VPS13D: variants seen among roughly 807,000 people sequenced by gnomAD.
VPS13D encodes the protein vacuolar protein sorting 13 homolog D, also known as intermembrane lipid transfer protein VPS13D.
In VPS13D, 187 loss-of-function variants were observed where a neutral mutation model predicts 461.9. The ratio of observed to expected loss-of-function variants is 0.40; its 90% CI spans 0.36 to 0.46. VPS13D has a LOEUF of 0.46. Among genes scored for constraint, VPS13D ranks in the 20% least tolerant of loss-of-function variants. The pLI is 0.60. For synonymous variants in VPS13D, 1,951 were observed against 1,986.3 expected (o/e 0.98, Z 0.47); for missense variants, 4,711 against 5,364.9 (o/e 0.88, Z 3.81).
At chr1:12,246,707 T>A (rs1640562401) in intron 5 of VPS13D, among the ~76,000 whole-genome samples, 1 of 152,176 alleles carries the variant, frequency 6.6e-6, no homozygotes, top group African/African-American at 2.4e-5. Flanking sequence ...CTTTTGATAG[T>A]CCTGAGCTTT....
chr1:12,277,917 A>G lies in VPS13D; in HGVS notation c.4329A>G (p.Glu1443=), dbSNP rs781750045. The change falls in exon 19 of 70, where the codon GAA becomes GAG. Residue 1443 remains glutamate (E), a synonymous_variant. Coordinates refer to ENST00000620676, the MANE Select transcript of VPS13D (RefSeq NM_015378.4). ...SLNCTQLAGR[E]AVGSEGSRMF... is the part of the protein sequence containing the mutation. ...ATTGCACCCAGTTGGCAGGTAGAGAAGCTGTTGGGTCTGAAGGAAGCCGGA... is the reference window on the plus strand; with the variant it reads ...ATTGCACCCAGTTGGCAGGTAGAGAGGCTGTTGGGTCTGAAGGAAGCCGGA... 6.2e-7 allele frequency: 1 copy of G among 1,614,170 alleles called. No individual in the cohort carries two copies. The highest frequency in any genetic ancestry group is 8.5e-7 in the Non-Finnish European group (1 of 1,180,014).
chr1:12,349,017 T>C (rs780802936), intron 45 of VPS13D, 44 bp downstream of exon 45: 1 of 1,612,294 alleles, frequency 6.2e-7, no homozygotes, highest in Non-Finnish European at 8.5e-7. Context: ...TGATAAATAC[T>C]TCTTGACTGT....
At position 12,361,399 on chromosome 1, in the gene VPS13D, A is replaced by ATTT. The variant is rs1406588951; in HGVS notation, c.10142-1320_10142-1318dup. 9.4e-3 allele frequency among the ~76,000 whole-genome samples: 1,315 copies of ATTT among 140,614 alleles called. 49 individuals carry two copies. The East Asian group carries it at 0.099, about 11-fold the overall frequency. The allele number at this position is 140,614 out of a possible 152,430, so 92.2% of individuals were successfully genotyped here. A position where few individuals can be genotyped will look rare whatever the true frequency, so the allele number is the denominator to read the frequency against. The stretch of plus-strand genomic sequence containing the variant: ...TATTTATTTATTTATTTATTTATTT[A>ATTT]TTTATTTTTTTTTTGAGACGGAGTC... On this transcript the variant is annotated intron_variant, in intron 50 of 69. Transcript: ENST00000620676.
intron 67 of VPS13D, among the ~76,000 whole-genome samples, chr1:12,481,524 G>A (rs935977530): frequency 6.6e-6 from 1 of 152,240 alleles, no homozygotes; most frequent in African/African-American, 2.4e-5. Context: ...TGCTCTGAAG[G>A]TTTGGTGTCA....
At chr1:12,322,515 A>G (rs536328113) in intron 33 of VPS13D, 21 bp from the exon 34 acceptor site, 1 of 1,610,870 alleles carries the variant, frequency 6.2e-7, no homozygotes, top group Non-Finnish European at 8.5e-7. Context: ...AAAAATTGCT[A>G]CCTTTTTTAC....
intron 67 of VPS13D, among the ~76,000 whole-genome samples, chr1:12,490,268 A>G (rs748987503): frequency 5.3e-5 from 8 of 152,192 alleles, no homozygotes; most frequent in Admixed American, 1.3e-4. Flanking sequence ...CTACTAGCAT[A>G]GGGTTTCTTT....
Position 12,322,630 on chromosome 1 carries a change from C to T in VPS13D, c.7799C>T (p.Ala2600Val), listed in dbSNP as rs1173589894. ...TCCATCCCAGAGCAAGCTAATGCTG[C>T]AGTGCCAGACTCAGTGGCCCTGGAG... ...AKSIPEQANA[A>V]VPDSVALESD... The change falls in exon 34 of 70, where the codon GCA (alanine) becomes GTA (valine). Residue 2600 changes from alanine to valine, a missense_variant. This residue lies in a region of VPS13D where 4,411 missense variants were observed against 4,937.8 expected (regional missense o/e 0.89). Coordinates refer to ENST00000620676, the MANE Select transcript of VPS13D (RefSeq NM_015378.4). The T allele has an allele frequency of 1.2e-6, 2 of 1,614,230 alleles. No homozygotes were observed. The highest frequency in any genetic ancestry group is 1.7e-5 in the Admixed American group (1 of 60,024).
chr1:12,487,879 C>A (rs1315020075), intron 67 of VPS13D, among the ~76,000 whole-genome samples: 1 of 152,128 alleles, frequency 6.6e-6, no homozygotes, highest in Non-Finnish European at 1.5e-5. Flanking sequence ...AAAGCGCCTG[C>A]TGTGAGTTTT....
At chr1:12,396,165 C>T (rs930824885) in intron 60 of VPS13D, among the ~76,000 whole-genome samples, 1 of 151,550 alleles carries the variant, frequency 6.6e-6, no homozygotes, top group African/African-American at 2.4e-5. Context: ...GGATGGGACT[C>T]CTGGGGGAGC....
At chr1:12,471,259 C>T (rs890308667) in intron 67 of VPS13D, among the ~76,000 whole-genome samples, 2 of 152,160 alleles carry the variant, frequency 1.3e-5, no homozygotes, top group Non-Finnish European at 2.9e-5. Context: ...CGAAATCATG[C>T]CACTGCACTC....
chr1:12,393,224 T>C (rs1430137362), intron 60 of VPS13D, among the ~76,000 whole-genome samples: 5 of 152,228 alleles, frequency 3.3e-5, no homozygotes, highest in Non-Finnish European at 7.3e-5. Flanking sequence ...CCAATCTGCA[T>C]AATGTCATCA....
chr1:12,265,875 A>C (rs1641252738), intron 13 of VPS13D, among the ~76,000 whole-genome samples: 1 of 152,182 alleles, frequency 6.6e-6, no homozygotes, highest in South Asian at 2.1e-4. Flanking sequence ...ATGACAACCC[A>C]AGGCTGGGCG....
chr1:12,273,973 A>G (rs996588226), intron 18 of VPS13D, among the ~76,000 whole-genome samples: 1 of 151,994 alleles, frequency 6.6e-6, no homozygotes, highest in Non-Finnish European at 1.5e-5. Context: ...TTCTTTATTT[A>G]CCTAGAAGTG....
chr1:12,491,286 C>T (rs1645877517), intron 67 of VPS13D, among the ~76,000 whole-genome samples: 1 of 152,242 alleles, frequency 6.6e-6, no homozygotes, highest in South Asian at 2.1e-4. Flanking sequence ...CATACACTTT[C>T]TACTCACTTA....
intron 37 of VPS13D, among the ~76,000 whole-genome samples, chr1:12,331,262 A>G (rs1643324971): frequency 6.6e-6 from 1 of 152,114 alleles, no homozygotes; most frequent in Non-Finnish European, 1.5e-5. Flanking sequence ...CCAAGGTGTA[A>G]ACCTCCGACG....
At chr1:12,295,091 G>A (rs896013246) in intron 24 of VPS13D, among the ~76,000 whole-genome samples, 2 of 151,756 alleles carry the variant, frequency 1.3e-5, no homozygotes, top group African/African-American at 2.4e-5. Flanking sequence ...GTGTGGTGAG[G>A]CATGTGTCTG....
At chr1:12,250,011 G>T (rs564339724) in intron 6 of VPS13D, among the ~76,000 whole-genome samples, 1 of 152,214 alleles carries the variant, frequency 6.6e-6, no homozygotes, top group Non-Finnish European at 1.5e-5. Flanking sequence ...ACTAGAAGTT[G>T]GAGTTCCCAC....
At chr1:12,275,488 A>C (rs952426675) in intron 18 of VPS13D, among the ~76,000 whole-genome samples, 2 of 152,160 alleles carry the variant, frequency 1.3e-5, no homozygotes, top group Admixed American at 1.3e-4. Context: ...GACTCTAGAG[A>C]GGGACGTAAG....
chr1:12,259,313 C>CTTTTTTTT (rs1422676674), intron 10 of VPS13D, among the ~76,000 whole-genome samples: 2 of 146,208 alleles, frequency 1.4e-5, no homozygotes, highest in African/African-American at 5.3e-5. Context: ...CCAGCCTACT[C>CTTTTTTTT]TTTTTATTTT....
Sources: allele counts gnomAD v4.1 joint callset (sites outside exome capture counted in the v4.1 genomes callset), GRCh38; gene constraint gnomAD v4.1.1; regional missense constraint gnomAD v4.1.1; transcripts MANE v1.5; gene names NCBI Gene and HGNC (gene_info 2026-07-23, HGNC 2026-07-21).